Variants in FHOD3 observed in about 807,000 individuals in gnomAD.
FHOD3 encodes the protein FH1/FH2 domain-containing protein 3.
FHOD3 carries 90 observed loss-of-function variants against 173.0 expected under a neutral mutation model. The observed-to-expected ratio is 0.52, with a 90% CI of 0.44 to 0.62. The LOEUF (loss-of-function observed/expected upper bound fraction) is 0.62, where lower values mean the gene tolerates loss of function less well. FHOD3 is among the 20% of genes least tolerant of loss of function. The probability of loss-of-function intolerance (pLI) is 0.00; values close to 1 mark genes in which losing one functional copy is unlikely to be tolerated. For synonymous variants in FHOD3, 828 were observed against 823.0 expected, an observed-to-expected ratio of 1.01 and a Z score of -0.10; for missense variants, 1,945 against 2,034.7, an observed-to-expected ratio of 0.96 and a Z score of 0.85.
chr18:36,482,820 CAA>C (rs1491521413), intron 3 of FHOD3, among the ~76,000 whole-genome samples: 1,858 of 113,688 alleles, frequency 0.016, 46 homozygotes, highest in African/African-American at 0.062. Flanking sequence ...ATCCGGTGAA[CAA>C]ACACACACAC....
intron 20 of FHOD3, among the ~76,000 whole-genome samples, chr18:36,736,602 G>A (rs1190992612): frequency 1.3e-5 from 2 of 152,168 alleles, no homozygotes; most frequent in East Asian, 1.9e-4. Flanking sequence ...ATGCTGTCAA[G>A]CCATCCCTCT....
chr18:36,745,238 C>A (rs2042094755), intron 23 of FHOD3, among the ~76,000 whole-genome samples: 1 of 152,126 alleles, frequency 6.6e-6, no homozygotes, highest in Admixed American at 6.5e-5. Context: ...AGCAGGGGAC[C>A]CTGAACTGGC....
At chr18:36,463,021 A>G (rs1490549093) in intron 3 of FHOD3, among the ~76,000 whole-genome samples, 1 of 152,198 alleles carries the variant, frequency 6.6e-6, no homozygotes, top group Non-Finnish European at 1.5e-5. Context: ...AAAGACAAAT[A>G]GTAATGTCTA....
At chr18:36,625,795 A>G (rs2148801658) in intron 10 of FHOD3, 46 bp downstream of exon 10, 2 of 1,482,386 alleles carry the variant, frequency 1.3e-6, no homozygotes, top group Non-Finnish European at 1.8e-6. Flanking sequence ...GATGCCATCC[A>G]AAAGAGAGCC....
chr18:36,453,439 C>T (rs1410980643), intron 3 of FHOD3, among the ~76,000 whole-genome samples: 2 of 152,230 alleles, frequency 1.3e-5, no homozygotes, highest in African/African-American at 4.8e-5. Flanking sequence ...AGTCCTGCAA[C>T]TAACTCCAAA....
intron 17 of FHOD3, among the ~76,000 whole-genome samples, chr18:36,697,343 C>A (rs1438264818): frequency 6.6e-6 from 1 of 152,102 alleles, no homozygotes; most frequent in African/African-American, 2.4e-5. Context: ...CCTCCTGAGG[C>A]CAGGTGGAGA....
intron 1 of FHOD3, among the ~76,000 whole-genome samples, chr18:36,336,359 A>G (rs2045307896): frequency 6.6e-6 from 1 of 152,166 alleles, no homozygotes; most frequent in Non-Finnish European, 1.5e-5. Context: ...TGACATTTTA[A>G]AAGCCATCAT....
chr18:36,339,078 C>T (rs1027141719), intron 1 of FHOD3, among the ~76,000 whole-genome samples: 1 of 152,102 alleles, frequency 6.6e-6, no homozygotes, highest in African/African-American at 2.4e-5. Flanking sequence ...GGTGGGGCCC[C>T]AGGTTCCTGC....
intron 3 of FHOD3, among the ~76,000 whole-genome samples, chr18:36,380,409 C>G (rs558520138): frequency 1.3e-5 from 2 of 152,088 alleles, no homozygotes; most frequent in African/African-American, 4.8e-5. Flanking sequence ...AGCCACGTTA[C>G]TGGTCAATAC....
At chr18:36,495,653 G>A (rs1344219564) in intron 3 of FHOD3, among the ~76,000 whole-genome samples, 1 of 152,196 alleles carries the variant, frequency 6.6e-6, no homozygotes, top group African/African-American at 2.4e-5. Context: ...TGTTAGGACA[G>A]TCTATACAGT....
chr18:36,555,051 C>G (rs2057818838), intron 5 of FHOD3, among the ~76,000 whole-genome samples: 1 of 152,084 alleles, frequency 6.6e-6, no homozygotes, highest in Admixed American at 6.5e-5. Flanking sequence ...GATTTCTCCT[C>G]TGATATTTAT....
intron 1 of FHOD3, among the ~76,000 whole-genome samples, chr18:36,311,889 C>T (rs536093861): frequency 2.6e-4 from 40 of 152,210 alleles, no homozygotes; most frequent in African/African-American, 8.7e-4. Context: ...TGTCTTCACC[C>T]TCTCCTTCCC....
chr18:36,575,613 C>T (rs929417006), intron 5 of FHOD3, among the ~76,000 whole-genome samples: 2 of 152,248 alleles, frequency 1.3e-5, no homozygotes, highest in African/African-American at 4.8e-5. Flanking sequence ...AGAAAAATGT[C>T]AATGCCCTGA....
intron 17 of FHOD3, among the ~76,000 whole-genome samples, chr18:36,703,547 T>A (rs1465887386): frequency 6.6e-6 from 1 of 152,172 alleles, no homozygotes; most frequent in Non-Finnish European, 1.5e-5. Flanking sequence ...GTAATATGAT[T>A]CCTGGTACAG....
rs117824372 is a variant in FHOD3, at chr18:36,399,554, G to A, written c.337+26810G>A. Among the ~76,000 whole-genome samples, 12 of 152,274 alleles carry A rather than the reference G, an allele frequency of 7.9e-5. 1 individual carries two copies. In the East Asian group the frequency reaches 2.3e-3, roughly 29 times the overall value. On this transcript the variant is annotated intron_variant, in intron 3 of 28. Coordinates refer to ENST00000590592, the MANE Select transcript of FHOD3 (RefSeq NM_001281740.3). ...GAGCTCCACTCTTATCTTGGTGGGT[G>A]ACCCTGAGGAAGTGGCTCCTGGAGG...
chr18:36,326,321 A>G (rs2044669216), intron 1 of FHOD3, among the ~76,000 whole-genome samples: 1 of 152,178 alleles, frequency 6.6e-6, no homozygotes, highest in African/African-American at 2.4e-5. Flanking sequence ...AAACTTATTT[A>G]CTCTTAAAAA....
At chr18:36,641,707 G>A (rs1484087503) in intron 10 of FHOD3, among the ~76,000 whole-genome samples, 2 of 152,180 alleles carry the variant, frequency 1.3e-5, no homozygotes, top group Non-Finnish European at 2.9e-5. Flanking sequence ...TATAATGCCA[G>A]CACTTTGGGA....
rs148644373 is a variant in FHOD3, at chr18:36,493,767, G to A, written c.338-8165G>A. Among the ~76,000 whole-genome samples, 219 of 152,178 alleles carry A rather than the reference G, an allele frequency of 1.4e-3. 1 individual carries two copies. The East Asian group carries it at 0.031, about 22-fold the overall frequency. On this transcript the variant is annotated intron_variant, in intron 3 of 28. Transcript: ENST00000590592. ...CTGTCAGTGTAGACCTGGACATTGC[G>A]CCTGTGAATAAATCTCCTCTTGAAA...
chr18:36,693,065 G>T, intron 16 of FHOD3, 144 bp from the exon 17 acceptor site: 2 of 756,432 alleles, frequency 2.6e-6, no homozygotes, highest in Non-Finnish European at 2.2e-6. Context: ...GGGTGTTTTT[G>T]GCAGGCTGAC....
Sources: allele counts gnomAD v4.1 joint callset (sites outside exome capture counted in the v4.1 genomes callset), GRCh38; gene constraint gnomAD v4.1.1; transcripts MANE v1.5; gene names NCBI Gene and HGNC (gene_info 2026-07-23, HGNC 2026-07-21).